FBRSL1: variants seen among roughly 807,000 people sequenced by gnomAD.
FBRSL1 encodes the protein fibrosin like 1.
Under a neutral mutation model 89.6 loss-of-function variants are expected in FBRSL1, and 51 were observed. The observed-to-expected ratio is 0.57, with a 90% CI of 0.45 to 0.72. The LOEUF is 0.72. FBRSL1 is among the 30% of genes least tolerant of loss of function. The probability of loss-of-function intolerance (pLI) is 0.00; values close to 1 mark genes in which losing one functional copy is unlikely to be tolerated. For missense variants in FBRSL1, 1,618 were observed against 1,451.8 expected, an observed-to-expected ratio of 1.11 and a Z score of -1.86; for synonymous variants, 779 against 681.1, an observed-to-expected ratio of 1.14 and a Z score of -2.24.
intron 4 of FBRSL1, among the ~76,000 whole-genome samples, chr12:132,533,556 TG>T (rs2036477904): frequency 1.3e-5 from 2 of 152,210 alleles, no homozygotes; most frequent in Admixed American, 1.3e-4. Flanking sequence ...ACCGTAGGGG[TG>T]GGGGCTGAGC....
chr12:132,520,814 C>T (rs1227107346), intron 2 of FBRSL1, among the ~76,000 whole-genome samples: 1 of 152,176 alleles, frequency 6.6e-6, no homozygotes, highest in Non-Finnish European at 1.5e-5. Flanking sequence ...ACTGTCCCTT[C>T]GGGAGCGAAG....
chr12:132,574,078 T>C lies in FBRSL1; in HGVS notation c.1531-12T>C. On this transcript the variant is annotated splice_polypyrimidine_tract_variant and intron_variant, in intron 11 of 18. Coordinates refer to ENST00000680143, the MANE Select transcript of FBRSL1 (RefSeq NM_001367871.1). The stretch of plus-strand genomic sequence containing the variant: ...CCCCAGGCGCACACAAGCTGTCTCT[T>C]TCTCCCCTCAGACTTCAAGCCCCAT... The C allele has an allele frequency of 1.6e-6, 2 of 1,279,496 alleles. No homozygotes were observed. Among genetic ancestry groups the C allele is most frequent in the Non-Finnish European group, 2.0e-6 (2 of 1,012,582 alleles). 79.3% of individuals were successfully genotyped at this position (1,279,496 alleles called of 1,614,324 possible). A position where few individuals can be genotyped will look rare whatever the true frequency, so the allele number is the denominator to read the frequency against.
At chr12:132,582,553 C>G (rs1395117828) in intron 18 of FBRSL1, among the ~76,000 whole-genome samples, 1 of 151,790 alleles carries the variant, frequency 6.6e-6, no homozygotes, top group Non-Finnish European at 1.5e-5. Flanking sequence ...GGGAGTGAAG[C>G]CTGGGCCCTG....
At chr12:132,576,262 G>C (rs987175539) in intron 14 of FBRSL1, among the ~76,000 whole-genome samples, 1 of 150,282 alleles carries the variant, frequency 6.7e-6, no homozygotes, top group South Asian at 2.1e-4. Flanking sequence ...GCATGATCTC[G>C]GCTCACTGTA....
intron 5 of FBRSL1, among the ~76,000 whole-genome samples, chr12:132,564,255 T>C (rs938407324): frequency 6.6e-6 from 1 of 152,100 alleles, no homozygotes; most frequent in Non-Finnish European, 1.5e-5. Flanking sequence ...CCGCCTCCCT[T>C]CTGCCCTGAA....
At chr12:132,502,772 C>G (rs1593252342) in intron 1 of FBRSL1, among the ~76,000 whole-genome samples, 1 of 133,944 alleles carries the variant, frequency 7.5e-6, no homozygotes, top group African/African-American at 2.8e-5. Flanking sequence ...TGTCCCCGCC[C>G]CCTACCGTCC....
intron 4 of FBRSL1, among the ~76,000 whole-genome samples, chr12:132,529,333 C>T (rs1309688634): frequency 4.6e-5 from 7 of 152,208 alleles, no homozygotes; most frequent in Non-Finnish European, 8.8e-5. Flanking sequence ...GAGCAGGAAG[C>T]GGCAAGGGAG....
At chr12:132,539,643 A>G (rs78006159) in intron 4 of FBRSL1, among the ~76,000 whole-genome samples, 15 of 93,346 alleles carry the variant, frequency 1.6e-4, no homozygotes, top group South Asian at 4.3e-4. Context: ...CTCCAGCCCC[A>G]TGCCTACCTA....
At chr12:132,518,417 C>T (rs1451470532) in intron 2 of FBRSL1, among the ~76,000 whole-genome samples, 7 of 150,740 alleles carry the variant, frequency 4.6e-5, no homozygotes, top group African/African-American at 1.7e-4. Context: ...TCCACCCATG[C>T]GTCCATCATC....
rs1328465917 is a variant in FBRSL1 at position 132,549,261 on chromosome 12, G to A, written c.645+1229G>A. Reference sequence around the variant, plus strand: ...AGCATCCTGGGCTGCTTCCAGCCACGATGTCCCTGCCCAACACACCTCTCC... The same window carrying A: ...AGCATCCTGGGCTGCTTCCAGCCACAATGTCCCTGCCCAACACACCTCTCC... On this transcript the variant is annotated intron_variant, in intron 5 of 18. Transcript: ENST00000680143. Among the ~76,000 whole-genome samples, 6 of 152,272 alleles carry A rather than the reference G, an allele frequency of 3.9e-5. No homozygotes were observed. The East Asian group carries it at 7.8e-4, about 20-fold the overall frequency.
At chr12:132,571,552 G>A (rs1402983827) in intron 9 of FBRSL1, 4 of 1,342,556 alleles carry the variant, frequency 3.0e-6, no homozygotes, top group South Asian at 3.6e-5. Flanking sequence ...CTGGCAGGGG[G>A]CGGGGGCGGG....
At chr12:132,501,238 G>T (rs887210062) in intron 1 of FBRSL1, among the ~76,000 whole-genome samples, 2 of 152,362 alleles carry the variant, frequency 1.3e-5, no homozygotes, top group South Asian at 2.1e-4. Flanking sequence ...AGCCCCAGGG[G>T]TCGTCAGTTC....
chr12:132,567,466 C>CT lies in FBRSL1; in HGVS notation c.646-13dup. 6.4e-7 allele frequency: 1 copy of CT among 1,551,106 alleles called. No individual in the cohort carries two copies. Among genetic ancestry groups the CT allele is most frequent in the East Asian group, 2.4e-5 (1 of 40,916 alleles). On this transcript the variant is annotated splice_polypyrimidine_tract_variant and intron_variant, in intron 5 of 18. Coordinates refer to ENST00000680143, the MANE Select transcript of FBRSL1 (RefSeq NM_001367871.1). ...ACCACCCTGACTGCCCCTGACCCCC[C>CT]TTCTCTCTCTCCAGGCATCCGTGGG...
rs139033840 is a variant in FBRSL1 at position 132,492,776 on chromosome 12, C to T, written c.291+1915C>T. 3.6e-3 allele frequency among the ~76,000 whole-genome samples: 541 copies of T among 152,362 alleles called. 1 individual carries two copies. Among genetic ancestry groups the T allele is most frequent in the Middle Eastern group, 6.8e-3 (2 of 294 alleles). ...TGGCGTTAACACAGCCACAGCACCCCAGGGTGGTTTCATGTCCCTTCCTCT... is the reference window on the plus strand; with the variant it reads ...TGGCGTTAACACAGCCACAGCACCCTAGGGTGGTTTCATGTCCCTTCCTCT... On this transcript the variant is annotated intron_variant, in intron 1 of 18. Transcript: ENST00000680143.
chr12:132,549,855 T>G (rs1301564275), intron 5 of FBRSL1, among the ~76,000 whole-genome samples: 2 of 152,050 alleles, frequency 1.3e-5, no homozygotes, highest in Non-Finnish European at 2.9e-5. Flanking sequence ...GGGCCTGGGC[T>G]GGAGGCCGAG....
At chr12:132,575,179 A>C (rs1427928715) in intron 14 of FBRSL1, among the ~76,000 whole-genome samples, 1 of 152,184 alleles carries the variant, frequency 6.6e-6, no homozygotes, top group Non-Finnish European at 1.5e-5. Flanking sequence ...ACTCTGAAAA[A>C]TCATTGTCCT....
chr12:132,493,914 G>C (rs1284690352), intron 1 of FBRSL1, among the ~76,000 whole-genome samples: 5 of 152,246 alleles, frequency 3.3e-5, no homozygotes, highest in Non-Finnish European at 7.3e-5. Flanking sequence ...GCCTGGCTCA[G>C]GGTGTGCCTG....
At chr12:132,528,032 C>T in intron 4 of FBRSL1, 44 bp downstream of exon 4, 4 of 1,536,100 alleles carry the variant, frequency 2.6e-6, no homozygotes, top group Non-Finnish European at 3.5e-6. Context: ...CCCCCTGGGG[C>T]CTTAGGACCA....
At chr12:132,500,185 C>G (rs1431030708) in intron 1 of FBRSL1, among the ~76,000 whole-genome samples, 1 of 152,154 alleles carries the variant, frequency 6.6e-6, no homozygotes, top group Admixed American at 6.5e-5. Flanking sequence ...CCCACTGAGG[C>G]CAGAGGGACA....
Sources: allele counts gnomAD v4.1 joint callset (sites outside exome capture counted in the v4.1 genomes callset), GRCh38; gene constraint gnomAD v4.1.1; transcripts MANE v1.5; gene names NCBI Gene and HGNC (gene_info 2026-07-23, HGNC 2026-07-21).